Variants in CLDN10 observed in about 807,000 individuals in gnomAD.
CLDN10 encodes claudin-10.
CLDN10 carries 15 observed loss-of-function variants against 22.9 expected under a neutral mutation model. The observed-to-expected ratio is 0.65, with a 90% CI of 0.44 to 1.01. The LOEUF is 1.01. Among genes scored for constraint, CLDN10 ranks in the 50% least tolerant of loss-of-function variants. The pLI is 0.00. For synonymous variants in CLDN10, 114 were observed against 111.4 expected, an observed-to-expected ratio of 1.02 and a Z score of -0.15; for missense variants, 247 against 287.8, an observed-to-expected ratio of 0.86 and a Z score of 1.03.
intron 1 of CLDN10, among the ~76,000 whole-genome samples, chr13:95,473,715 T>G (rs2042658408): frequency 6.6e-6 from 1 of 152,202 alleles, no homozygotes; most frequent in African/African-American, 2.4e-5. Context: ...AGGGCGGGAC[T>G]GAGAATTGCA....
chr13:95,466,908 G>A lies in CLDN10; in HGVS notation c.214+32861G>A, dbSNP rs1341420981. 4.6e-4 allele frequency among the ~76,000 whole-genome samples: 59 copies of A among 127,794 alleles called. 1 individual carries two copies. Among genetic ancestry groups the A allele is most frequent in the African/African-American group, 1.7e-3 (54 of 32,618 alleles). 83.8% of individuals were successfully genotyped at this position (127,794 alleles called of 152,430 possible). A position where few individuals can be genotyped will look rare whatever the true frequency, so the allele number is the denominator to read the frequency against. ...TTTTTTTTTTTTGAGACAGAGTCTC[G>A]CTCTGTCTCCCAGGCTGGAGTGCAG... On this transcript the variant is annotated intron_variant, in intron 1 of 4. Transcript: ENST00000376873.
Position 95,484,817 on chromosome 13 carries a change from G to T in CLDN10, c.214+50770G>T, listed in dbSNP as rs148890804. 4.8e-3 allele frequency among the ~76,000 whole-genome samples: 668 copies of T among 140,020 alleles called. 7 individuals are homozygous for T. Among genetic ancestry groups the T allele is most frequent in the African/African-American group, 0.017 (643 of 38,968 alleles). The allele number at this position is 140,020 out of a possible 152,430, so 91.9% of individuals were successfully genotyped here. On this transcript the variant is annotated intron_variant, in intron 1 of 4. Transcript: ENST00000376873. ...GGAGGTGGAGGTTGGAATGAGCCAA[G>T]ATTGTGCCACTGCACTCCAGCCTGG...
At chr13:95,501,613 T>G (rs2042986127) in intron 1 of CLDN10, among the ~76,000 whole-genome samples, 1 of 152,256 alleles carries the variant, frequency 6.6e-6, no homozygotes, top group African/African-American at 2.4e-5. Flanking sequence ...TGATTGGTGT[T>G]TGCATGGGTA....
At chr13:95,449,377 G>C (rs1192454239) in intron 1 of CLDN10, among the ~76,000 whole-genome samples, 1 of 151,476 alleles carries the variant, frequency 6.6e-6, no homozygotes, top group Non-Finnish European at 1.5e-5. Context: ...TCAGCCTCCC[G>C]AGTAGCTGGA....
intron 1 of CLDN10, among the ~76,000 whole-genome samples, chr13:95,434,282 G>A (rs1257145325): frequency 1.3e-5 from 2 of 152,136 alleles, no homozygotes; most frequent in Non-Finnish European, 2.9e-5. Context: ...AATACCCAGT[G>A]TGACTCCAAA....
At chr13:95,566,555 C>A (rs2043790508) in intron 3 of CLDN10, among the ~76,000 whole-genome samples, 1 of 151,952 alleles carries the variant, frequency 6.6e-6, no homozygotes, top group Non-Finnish European at 1.5e-5. Context: ...CAAAAATTTT[C>A]TCCCATTCTG....
chr13:95,556,134 C>T (rs1489625423), intron 1 of CLDN10, among the ~76,000 whole-genome samples: 9 of 152,210 alleles, frequency 5.9e-5, no homozygotes, highest in African/African-American at 1.7e-4. Flanking sequence ...CAACTTCCAC[C>T]TCCCGGGTTC....
At chr13:95,538,174 TTTTTTTTG>T in intron 1 of CLDN10, among the ~76,000 whole-genome samples, 1 of 142,512 alleles carries the variant, frequency 7.0e-6, no homozygotes, top group Non-Finnish European at 1.5e-5. Context: ...TTTTTTTTTT[TTTTTTTTG>T]AGACATGCAA....
intron 1 of CLDN10, among the ~76,000 whole-genome samples, chr13:95,449,412 CAGCT>C (rs1377625188): frequency 2.0e-5 from 3 of 151,918 alleles, no homozygotes; most frequent in Admixed American, 6.6e-5. Context: ...CCACCACACC[CAGCT>C]AATTTTGTAT....
chr13:95,463,328 G>GT (rs2042554524), intron 1 of CLDN10, among the ~76,000 whole-genome samples: 2 of 30,700 alleles, frequency 6.5e-5, no homozygotes, highest in Admixed American at 3.1e-4. Context: ...ATATATATTT[G>GT]CCTTTTTTTT....
intron 3 of CLDN10, among the ~76,000 whole-genome samples, chr13:95,570,164 T>C (rs1332919961): frequency 6.6e-6 from 1 of 152,188 alleles, no homozygotes; most frequent in Non-Finnish European, 1.5e-5. Context: ...GTATTTGTTA[T>C]TTTAGGAATT....
intron 1 of CLDN10, among the ~76,000 whole-genome samples, chr13:95,547,155 G>A (rs9516602): frequency 0.3 from 45,946 of 151,084 alleles, 7,607 homozygotes; most frequent in Admixed American, 0.37. Flanking sequence ...GGAGGGGCTG[G>A]GAGAGATTAC....
intron 1 of CLDN10, among the ~76,000 whole-genome samples, chr13:95,541,238 A>G (rs2138623985): frequency 6.6e-6 from 1 of 152,366 alleles, no homozygotes; most frequent in South Asian, 2.1e-4. Context: ...TGTTGGAGGC[A>G]GGGAGGAATT....
intron 1 of CLDN10, among the ~76,000 whole-genome samples, chr13:95,541,431 C>T (rs1242378975): frequency 6.6e-6 from 1 of 152,210 alleles, no homozygotes; most frequent in Non-Finnish European, 1.5e-5. Flanking sequence ...CTGGTTCCCT[C>T]TCTTGCTAGC....
At chr13:95,570,856 GTGTATATA>G (rs1380253691) in intron 3 of CLDN10, among the ~76,000 whole-genome samples, 1 of 36,886 alleles carries the variant, frequency 2.7e-5, no homozygotes, top group African/African-American at 1.4e-4. Context: ...ACATATACGT[GTGTATATA>G]TATATATATA....
intron 1 of CLDN10, among the ~76,000 whole-genome samples, chr13:95,471,453 A>ATAGATATTT (rs776857009): frequency 1.9e-5 from 2 of 106,414 alleles, no homozygotes; most frequent in African/African-American, 8.0e-5. Context: ...ATATATATAT[A>ATAGATATTT]TTTTTTTTTT....
At chr13:95,444,182 T>C (rs998606795) in intron 1 of CLDN10, among the ~76,000 whole-genome samples, 1 of 152,168 alleles carries the variant, frequency 6.6e-6, no homozygotes, top group Non-Finnish European at 1.5e-5. Context: ...CTAAAGGAGA[T>C]GTAGTGAGGA....
At chr13:95,538,890 C>A (rs7987957) in intron 1 of CLDN10, among the ~76,000 whole-genome samples, 2 of 151,756 alleles carry the variant, frequency 1.3e-5, no homozygotes, top group Non-Finnish European at 2.9e-5. Flanking sequence ...ACATTTCTCT[C>A]TTTTTTTGAG....
intron 1 of CLDN10, among the ~76,000 whole-genome samples, chr13:95,471,191 A>G (rs1353157189): frequency 6.6e-6 from 1 of 152,054 alleles, no homozygotes; most frequent in Non-Finnish European, 1.5e-5. Flanking sequence ...GGTCCAGAAC[A>G]ACGGGAGTTC....
Sources: allele counts gnomAD v4.1 joint callset (sites outside exome capture counted in the v4.1 genomes callset), GRCh38; gene constraint gnomAD v4.1.1; transcripts MANE v1.5; gene names NCBI Gene and HGNC (gene_info 2026-07-23, HGNC 2026-07-21).